The following KRT15 variants were observed in gnomAD, a reference collection of about 807,000 sequenced individuals.
KRT15 encodes the protein keratin, type I cytoskeletal 15.
In KRT15, 45 loss-of-function variants were observed where a neutral mutation model predicts 46.6. That is an observed-to-expected ratio of 0.97 (90% CI 0.76 to 1.24). The LOEUF (loss-of-function observed/expected upper bound fraction) is 1.24. Among genes scored for constraint, KRT15 ranks in the 50% most tolerant of loss-of-function variants. KRT15 has a pLI of 0.00. For missense variants in KRT15, 592 were observed against 588.9 expected, an observed-to-expected ratio of 1.01 and a Z score of -0.05; for synonymous variants, 221 against 233.8, an observed-to-expected ratio of 0.95 and a Z score of 0.50.
At position 41,518,608 on chromosome 17, in the gene KRT15, C is replaced by T. The variant is rs1286626782; in HGVS notation, c.220G>A (p.Gly74Ser). ...CCAAAGCCTCCACCGAAAACACTAC[C>T]AGCCCCTCCACCAAAGCCACAGACC... Reference protein sequence around the residue: ...MRVCGFGGGAGSVFGGGFGGG... With the variant: ...MRVCGFGGGASSVFGGGFGGG... Residue 74 changes from glycine to serine, a missense_variant, in exon 1 of 8, where the codon GGT (glycine) becomes AGT (serine). Physicochemically the swap from Gly to Ser is moderately conservative, Grantham distance 56. Transcript: ENST00000254043. 7.4e-6 allele frequency: 12 copies of T among 1,613,682 alleles called. No homozygotes were observed. The highest frequency in any genetic ancestry group is 1.0e-5 in the Non-Finnish European group (12 of 1,179,888).
In KRT15 at chr17:41,518,317, T is replaced by A. The variant is rs1207853703; in HGVS notation, c.498+13A>T. On this transcript the variant is annotated intron_variant, in intron 1 of 7. Transcript: ENST00000254043. ...GCCACCTGCTCCCCTCTCTTTGACA[T>A]CCGAGGACTCACCTTGTCCCGGAGC... 6.2e-7 allele frequency: 1 copy of A among 1,605,264 alleles called. No individual in the cohort carries two copies. The highest frequency in any genetic ancestry group is 2.2e-5 in the East Asian group (1 of 44,746).
intron 6 of KRT15, 173 bp from the exon 7 acceptor site, chr17:41,514,847 C>T (rs1905279926): frequency 1.7e-6 from 1 of 582,608 alleles, no homozygotes; most frequent in Admixed American, 3.1e-5. Context: ...CTGCTATCCC[C>T]AAGTAGACAG....
At chr17:41,514,785 C>T in intron 6 of KRT15, 111 bp from the exon 7 acceptor site, 1 of 1,109,988 alleles carries the variant, frequency 9.0e-7, no homozygotes, top group Non-Finnish European at 1.3e-6. Flanking sequence ...ACCACCACCA[C>T]CCACACATCT....
In KRT15 at chr17:41,514,104, AC is replaced by A; in HGVS notation, c.1289del (p.Gly430ValfsTer11). 6.2e-7 allele frequency: 1 copy of A among 1,613,894 alleles called. No homozygotes were observed. Among genetic ancestry groups the A allele is most frequent in the Non-Finnish European group, 8.5e-7 (1 of 1,179,782 alleles). Reference sequence around the variant, plus strand: ...TGATGTGGAAATTGCTGCTGCTACCACCACCTCCTGAAGAGGCTAGAGAGAG... The same window carrying A: ...TGATGTGGAAATTGCTGCTGCTACCACACCTCCTGAAGAGGCTAGAGAGAG... ...IAIREASSGG[G>X]GSSSNFHINV... On this transcript the variant is annotated frameshift_variant, in exon 8 of 8. Transcript: ENST00000254043. LOFTEE classifies it high-confidence loss of function.
Position 41,515,653 on chromosome 17 carries a change from G to A in KRT15, c.1066C>T (p.Arg356Cys), listed in dbSNP as rs752494682. ...LENSLAETEC[R>C]YATQLQQIQG... The stretch of plus-strand genomic sequence containing the variant: ...ATCTGCTGCAGCTGCGTGGCATAGC[G>A]GCACTCTGTCTCGGCCAGTGAGTTC... Residue 356 changes from arginine (R) to cysteine (C), a missense_variant, in exon 6 of 8, where the codon CGC (arginine) becomes TGC (cysteine). Physicochemically the swap from Arg to Cys is radical, Grantham distance 180. Coordinates refer to ENST00000254043, the MANE Select transcript of KRT15 (RefSeq NM_002275.4). 40 of 1,614,020 alleles carry A rather than the reference G, an allele frequency of 2.5e-5. No individual in the cohort carries two copies. The East Asian group carries it at 2.9e-4, about 12-fold the overall frequency.
chr17:41,514,857 G>T (rs933948152), intron 6 of KRT15, 183 bp from the exon 7 acceptor site: 4 of 567,242 alleles, frequency 7.1e-6, no homozygotes, highest in Non-Finnish European at 1.2e-5. Flanking sequence ...CAAGTAGACA[G>T]ATTTTGTTTT....
rs760625303 is a variant in KRT15 at position 41,513,936 on chromosome 17, T to C, written c.*87A>G. On this transcript the variant is annotated 3_prime_UTR_variant, in exon 8 of 8. Coordinates refer to ENST00000254043, the MANE Select transcript of KRT15 (RefSeq NM_002275.4). ...AGCTCTCTGAAGGCAGGGACTGGAG[T>C]TTGCATGTGCAGGCCCTCTGGCCAG... The C allele has an allele frequency of 4.6e-5, 45 of 971,254 alleles. No individual in the cohort carries two copies. The highest frequency in any genetic ancestry group is 7.2e-5 in the Non-Finnish European group (43 of 595,576). The allele number at this position is 971,254 out of a possible 1,614,324, so 60.2% of individuals were successfully genotyped here. A position where few individuals can be genotyped will look rare whatever the true frequency, so the allele number is the denominator to read the frequency against.
intron 7 of KRT15, 112 bp from the exon 8 acceptor site, chr17:41,514,232 A>C (rs1905256851): frequency 1.3e-6 from 1 of 795,064 alleles, no homozygotes; most frequent in Admixed American, 1.9e-5. Context: ...GAGAATGGCC[A>C]CTGGCCAATC....
At chr17:41,515,815 G>A (rs1335268730) in intron 5 of KRT15, 70 bp downstream of exon 5, 1 of 1,611,010 alleles carries the variant, frequency 6.2e-7, no homozygotes, top group Non-Finnish European at 8.5e-7. Context: ...GAACTCCAAG[G>A]CTTAAATAGC....
chr17:41,517,500 G>T (rs1206364166), intron 1 of KRT15: 1 of 354,948 alleles, frequency 2.8e-6, no homozygotes, highest in African/African-American at 2.1e-5. Context: ...TCTGACAATA[G>T]CTCTCTCAGA....
chr17:41,514,588 G>T (rs535345794), intron 7 of KRT15, 61 bp downstream of exon 7: 151 of 1,500,962 alleles, frequency 1.0e-4, no homozygotes, highest in Non-Finnish European at 1.4e-4. Flanking sequence ...TATTCCGAAG[G>T]GGGTGGTGGC....
At chr17:41,517,002 T>A (rs1319610766) in intron 2 of KRT15, 38 bp from the exon 3 acceptor site, 1 of 1,613,920 alleles carries the variant, frequency 6.2e-7, no homozygotes. Flanking sequence ...GTGGGAGGGG[T>A]CTTGGCTGCC....
chr17:41,514,673 T>C lies in KRT15; in HGVS notation c.1249A>G (p.Met417Val). The C allele has an allele frequency of 6.2e-7, 1 of 1,613,402 alleles. No homozygotes were observed. Among genetic ancestry groups the C allele is most frequent in the East Asian group, 2.2e-5 (1 of 44,870 alleles). The change falls in exon 7 of 8, where the codon ATG becomes GTG. Residue 417 changes from methionine (M) to valine (V), a missense_variant and splice_region_variant. Coordinates refer to ENST00000254043, the MANE Select transcript of KRT15 (RefSeq NM_002275.4). ...CCTTCCCTGATGGCAATGCCAGCCATCCTGAAAGAAAGAGGGAAGCTGATT... is the reference window on the plus strand; with the variant it reads ...CCTTCCCTGATGGCAATGCCAGCCACCCTGAAAGAAAGAGGGAAGCTGATT... ...RSLLEGQDAKMAGIAIREASS... is the reference protein window; with the variant it reads ...RSLLEGQDAKVAGIAIREASS...
chr17:41,518,638 T>A lies in KRT15; in HGVS notation c.190A>T (p.Met64Leu), dbSNP rs1454522745. ...CCTCCACCAAAGCCACAGACCCTCA[T>A]GCCACCCCCATATCCTCCTCCTGAC... ...SGSGGGYGGG[M>L]RVCGFGGGAG... The change falls in exon 1 of 8, where the codon ATG (methionine) becomes TTG (leucine). Residue 64 changes from methionine (M) to leucine (L), a missense_variant. Transcript: ENST00000254043. 4 of 1,598,870 alleles carry A rather than the reference T, an allele frequency of 2.5e-6. No individual in the cohort carries two copies.
chr17:41,516,862 C>T lies in KRT15; in HGVS notation c.684G>A (p.Met228Ile). The T allele has an allele frequency of 1.2e-6, 2 of 1,614,254 alleles. No individual in the cohort carries two copies. Among genetic ancestry groups the T allele is most frequent in the Non-Finnish European group, 1.7e-6 (2 of 1,180,044 alleles). ...GCTCCTCATTCAGGCCCTCGATCTG[C>T]ATCTCCAGGTCAGTCCTGGCCAGGG... ...ELTLARTDLE[M>I]QIEGLNEELA... Residue 228 changes from methionine (M) to isoleucine (I), a missense_variant, in exon 3 of 8, where the codon ATG becomes ATA. By Grantham distance (10) the Met-to-Ile change is conservative. Coordinates refer to ENST00000254043, the MANE Select transcript of KRT15 (RefSeq NM_002275.4).
chr17:41,516,823 C>G lies in KRT15; in HGVS notation c.723G>C (p.Lys241Asn), dbSNP rs768574891. 13 of 1,614,078 alleles carry G rather than the reference C, an allele frequency of 8.1e-6. No homozygotes were observed. Among genetic ancestry groups the G allele is most frequent in the Non-Finnish European group, 8.5e-6 (10 of 1,180,030 alleles). Residue 241 changes from lysine to asparagine, a missense_variant, in exon 3 of 8, where the codon AAG becomes AAC. Coordinates refer to ENST00000254043, the MANE Select transcript of KRT15 (RefSeq NM_002275.4). ...CAGCTCTCACCTCTTCGTGGTTCTT[C>G]TTCAGGTAGGCTAGCTCCTCATTCA... ...EGLNEELAYL[K>N]KNHEEEMKEF...
In KRT15 at chr17:41,518,555, ACCACCAAAACCC is replaced by A. The variant is rs1263721893; in HGVS notation, c.261_272del (p.Phe93_Gly96del). 1 of 1,613,894 alleles carries A rather than the reference ACCACCAAAACCC, an allele frequency of 6.2e-7. No homozygotes were observed. Among genetic ancestry groups the A allele is most frequent in the Admixed American group, 1.7e-5 (1 of 59,992 alleles). On this transcript the variant is annotated inframe_deletion, in exon 1 of 8. Transcript: ENST00000254043. The stretch of plus-strand genomic sequence containing the variant: ...GACCACCATCGCCACCACCAAAGCC[ACCACCAAAACCC>A]CCACCAACGCCCCCTCCAAAGCCTC...
At position 41,516,920 on chromosome 17, in the gene KRT15, A is replaced by T; in HGVS notation, c.626T>A (p.Ile209Asn). The change falls in exon 3 of 8, where the codon ATC becomes AAC. Residue 209 changes from isoleucine to asparagine, a missense_variant. Physicochemically the swap from Ile to Asn is moderately radical, Grantham distance 149. Transcript: ENST00000254043. Reference protein sequence around the residue: ...LALRQGVEADINGLRRVLDEL... With the variant: ...LALRQGVEADNNGLRRVLDEL... ...ATCCAGGACTCGGCGCAAGCCGTTG[A>T]TGTCAGCCTCAACGCCCTGGCGCAG... The T allele has an allele frequency of 6.2e-7, 1 of 1,614,240 alleles. No homozygotes were observed. Among genetic ancestry groups the T allele is most frequent in the South Asian group, 1.1e-5 (1 of 91,088 alleles).
Position 41,516,813 on chromosome 17 carries a change from CG to C in KRT15, c.732del (p.His244GlnfsTer5), listed in dbSNP as rs1905395130. On this transcript the variant is annotated frameshift_variant, in exon 3 of 8. Coordinates refer to ENST00000254043, the MANE Select transcript of KRT15 (RefSeq NM_002275.4). LOFTEE classifies it high-confidence loss of function. ...TGATGGGGGCCAGCTCTCACCTCTTCGTGGTTCTTCTTCAGGTAGGCTAGCT... is the reference window on the plus strand; with the variant it reads ...TGATGGGGGCCAGCTCTCACCTCTTCTGGTTCTTCTTCAGGTAGGCTAGCT... ...NEELAYLKKN[H>X]EEEMKEFSSQ... The C allele has an allele frequency of 6.2e-7, 1 of 1,614,064 alleles. No individual in the cohort carries two copies. Among genetic ancestry groups the C allele is most frequent in the South Asian group, 1.1e-5 (1 of 91,086 alleles).
Sources: gnomAD v4.1 joint callset for allele counts on GRCh38, gnomAD v4.1.1 for gene constraint, MANE v1.5 for transcripts, NCBI Gene and HGNC (gene_info 2026-07-23, HGNC 2026-07-21) for gene names.